SBK1: variants seen among roughly 807,000 people sequenced by gnomAD.
SBK1 encodes SH3 domain binding kinase 1, also known as serine/threonine-protein kinase SBK1.
In SBK1, 11 loss-of-function variants were observed where a neutral mutation model predicts 24.4. That is an observed-to-expected ratio of 0.45 (90% CI 0.28 to 0.75). SBK1 has a LOEUF of 0.75. SBK1 is among the 30% of genes least tolerant of loss of function. The pLI is 0.12. For missense variants in SBK1, 467 were observed against 620.5 expected, an observed-to-expected ratio of 0.75 and a Z score of 2.63; for synonymous variants, 308 against 284.4, an observed-to-expected ratio of 1.08 and a Z score of -0.83.
chr16:28,322,976 CTCTCCT>C lies in SBK1; in HGVS notation c.*2056_*2061del. On this transcript the variant is annotated 3_prime_UTR_variant, in exon 4 of 4. Coordinates refer to ENST00000341901, the MANE Select transcript of SBK1 (RefSeq NM_001024401.3). ...TCTCTCTCTCTCTCTCTCTCTCTCT[CTCTCCT>C]CTCTTTCTCTCTCTCCCTCTCTCTG... The C allele has an allele frequency of 1.5e-5, 2 of 129,210 alleles. No individual in the cohort carries two copies. Among genetic ancestry groups the C allele is most frequent in the African/African-American group, 5.9e-5 (2 of 34,102 alleles). The allele number at this position is 129,210 out of a possible 1,614,324, so 8.0% of individuals were successfully genotyped here. A position where few individuals can be genotyped will look rare whatever the true frequency, so the allele number is the denominator to read the frequency against.
rs146321476 is a variant in SBK1, at chr16:28,322,806, C to A, written c.*1885C>A. ...CCATCGGGGCTGCCTCTCCCAGCCG[C>A]GACTTCTCCTTTTGCCTTAGGCCTC... On this transcript the variant is annotated 3_prime_UTR_variant, in exon 4 of 4. Coordinates refer to ENST00000341901, the MANE Select transcript of SBK1 (RefSeq NM_001024401.3). The A allele has an allele frequency of 0.019, 2,934 of 152,802 alleles. 60 individuals carry two copies. Among genetic ancestry groups the A allele is most frequent in the African/African-American group, 0.045 (1,848 of 41,488 alleles). 9.5% of individuals were successfully genotyped at this position (152,802 alleles called of 1,614,324 possible).
rs781059320 is a variant in SBK1, at chr16:28,262,035, G to C, written c.257+2533G>C. Among the ~76,000 whole-genome samples, 16 of 152,358 alleles carry C rather than the reference G, an allele frequency of 1.1e-4. 2 individuals carry two copies. The Middle Eastern group carries it at 0.02, about 194-fold the overall frequency. ...GACAGGGCCAGGCTGGGCAGAGACA[G>C]TGACCACAGGTGCCAGGTGGTGAAG... is the stretch of plus-strand genomic sequence containing the variant. On this transcript the variant is annotated intron_variant, in intron 1 of 3. Transcript: ENST00000671413.
intron 1 of SBK1, among the ~76,000 whole-genome samples, chr16:28,275,644 C>T (rs1260693608): frequency 6.6e-6 from 1 of 152,012 alleles, no homozygotes; most frequent in Non-Finnish European, 1.5e-5. Flanking sequence ...CTTTGAGAGG[C>T]CAAGGCAGGT....
chr16:28,293,996 A>G (rs190908148), intron 1 of SBK1, among the ~76,000 whole-genome samples: 156 of 152,258 alleles, frequency 1.0e-3, no homozygotes, highest in African/African-American at 3.5e-3. Flanking sequence ...ATTTCAGGTC[A>G]GGGCACCGTT....
upstream of SBK1, among the ~76,000 whole-genome samples, chr16:28,287,570 G>A (rs2141572043): frequency 6.6e-6 from 1 of 152,272 alleles, no homozygotes; most frequent in South Asian, 2.1e-4. Flanking sequence ...CTTTGAGCTG[G>A]CAAGAGTGGC....
chr16:28,320,660 C>T lies in SBK1; in HGVS notation c.1014C>T (p.Pro338=), dbSNP rs1281605838. 5 of 1,094,614 alleles carry T rather than the reference C, an allele frequency of 4.6e-6. No homozygotes were observed. The highest frequency in any genetic ancestry group is 4.1e-5 in the South Asian group (1 of 24,150). The allele number at this position is 1,094,614 out of a possible 1,614,324, so 67.8% of individuals were successfully genotyped here. Residue 338 remains proline, a synonymous_variant, in exon 4 of 4, where the codon CCC becomes CCT. Transcript: ENST00000341901. This position sits in a 1 kb window ranked among gnomAD's most constrained non-coding sequence, Gnocchi z 8.5. The part of the protein sequence containing the change: ...RARKPPGDRP[P]AAGPLRLEAP... The stretch of plus-strand genomic sequence containing the variant: ...GCAAGCCCCCCGGGGACCGCCCGCC[C>T]GCCGCCGGGCCACTGCGCCTCGAGG...
intron 1 of SBK1, among the ~76,000 whole-genome samples, chr16:28,315,789 G>A (rs149784119): frequency 0.014 from 2,155 of 151,852 alleles, 41 homozygotes; most frequent in African/African-American, 0.046. Context: ...TTTTTGAGAC[G>A]GAGTCTTGTT....
chr16:28,318,268 G>A (rs1430290234), intron 2 of SBK1, among the ~76,000 whole-genome samples: 2 of 152,232 alleles, frequency 1.3e-5, no homozygotes, highest in African/African-American at 4.8e-5. Context: ...CTGGGGCTGT[G>A]TGAGCTCCCA....
intron 1 of SBK1, among the ~76,000 whole-genome samples, chr16:28,303,480 T>C (rs1000708766): frequency 4.0e-5 from 6 of 151,660 alleles, no homozygotes; most frequent in African/African-American, 1.4e-4. Flanking sequence ...TCACTATTTC[T>C]TTTTTCTTTT....
At chr16:28,262,602 C>T (rs543721007) in intron 1 of SBK1, among the ~76,000 whole-genome samples, 45 of 152,278 alleles carry the variant, frequency 3.0e-4, no homozygotes, top group African/African-American at 1.1e-3. Flanking sequence ...AACACACGCT[C>T]GAACAGACAG....
chr16:28,305,235 T>C (rs1481295654), intron 1 of SBK1, among the ~76,000 whole-genome samples: 1 of 151,802 alleles, frequency 6.6e-6, no homozygotes. Context: ...TTTTTAGAGA[T>C]GGAGTTTTGC....
intron 2 of SBK1, among the ~76,000 whole-genome samples, chr16:28,318,526 C>T (rs2044814504): frequency 6.6e-6 from 1 of 152,254 alleles, no homozygotes; most frequent in Non-Finnish European, 1.5e-5. Flanking sequence ...TGTGTAAATG[C>T]TCCGTGGACA....
At chr16:28,310,314 A>T (rs2044745654) in intron 1 of SBK1, among the ~76,000 whole-genome samples, 1 of 152,232 alleles carries the variant, frequency 6.6e-6, no homozygotes, top group Admixed American at 6.5e-5. Context: ...GTTCACAGCC[A>T]TCACATCCAC....
chr16:28,322,972 CTCT>C lies in SBK1; in HGVS notation c.*2052_*2054del, dbSNP rs2044868761. The C allele has an allele frequency of 7.7e-6, 1 of 130,162 alleles. No individual in the cohort carries two copies. The highest frequency in any genetic ancestry group is 1.7e-5 in the Non-Finnish European group (1 of 60,428). 8.1% of individuals were successfully genotyped at this position (130,162 alleles called of 1,614,324 possible). ...TCTCTCTCTCTCTCTCTCTCTCTCT[CTCT>C]CTCTCCTCTCTTTCTCTCTCTCCCT... On this transcript the variant is annotated 3_prime_UTR_variant, in exon 4 of 4. Transcript: ENST00000341901.
chr16:28,315,327 C>T (rs2044787403), intron 1 of SBK1, among the ~76,000 whole-genome samples: 1 of 152,150 alleles, frequency 6.6e-6, no homozygotes, highest in Admixed American at 6.5e-5. Context: ...ATGTCAGAAT[C>T]ATCACACTGT....
At position 28,315,693 on chromosome 16, in the gene SBK1, C is replaced by T. The variant is rs1207506943; in HGVS notation, c.-7-1692C>T. Among the ~76,000 whole-genome samples, 3 of 152,252 alleles carry T rather than the reference C, an allele frequency of 2.0e-5. No homozygotes were observed. The East Asian group carries it at 5.8e-4, about 29-fold the overall frequency. On this transcript the variant is annotated intron_variant, in intron 1 of 3. Coordinates refer to ENST00000341901, the MANE Select transcript of SBK1 (RefSeq NM_001024401.3). ...GGAGGATCCCTTGAGCCCAGGAGTT[C>T]GAGGCTGCAGTGAGCTATGATCATC...
intron 1 of SBK1, among the ~76,000 whole-genome samples, chr16:28,273,550 T>G (rs951263167): frequency 6.7e-6 from 1 of 149,710 alleles, no homozygotes; most frequent in East Asian, 2.0e-4. Flanking sequence ...CTGTGTAGAT[T>G]GTTTCTTTTG....
intron 1 of SBK1, among the ~76,000 whole-genome samples, chr16:28,294,592 T>G (rs2141576931): frequency 6.6e-6 from 1 of 152,340 alleles, no homozygotes; most frequent in East Asian, 1.9e-4. Context: ...CCATTGGGCC[T>G]GTTGAAGTGG....
intron 1 of SBK1, among the ~76,000 whole-genome samples, chr16:28,301,558 C>G (rs961009149): frequency 6.6e-6 from 1 of 152,210 alleles, no homozygotes; most frequent in African/African-American, 2.4e-5. Flanking sequence ...CTCTTCCTCC[C>G]AGGCTCCTCA....
Sources: gnomAD v4.1 joint callset for allele counts (sites outside exome capture counted in the v4.1 genomes callset) on GRCh38, gnomAD v4.1.1 for gene constraint, Gnocchi (gnomAD v3.1) non-coding constraint, MANE v1.5 for transcripts, NCBI Gene and HGNC (gene_info 2026-07-23, HGNC 2026-07-21) for gene names.